YWHAG: variants seen among roughly 807,000 people sequenced by gnomAD.
The protein encoded by YWHAG is tyrosine 3-monooxygenase/tryptophan 5-monooxygenase activation protein gamma.
Under a neutral mutation model 23.3 loss-of-function variants are expected in YWHAG, and 1 was observed. That is an observed-to-expected ratio of 0.04 (90% confidence interval 0.02 to 0.20). The LOEUF is 0.20. Ranked by LOEUF, YWHAG falls within the 10% of genes least tolerant of loss-of-function variation. The pLI, the probability that YWHAG is intolerant of heterozygous loss-of-function variation, is 1.00. For synonymous variants in YWHAG, 160 were observed against 144.0 expected (o/e 1.11, Z -0.80); for missense variants, 151 against 338.6 (o/e 0.45, Z 4.35).
Position 76,329,742 on chromosome 7 carries a change from C to G in YWHAG, c.579G>C (p.Ala193=), listed in dbSNP as rs145754520. ...YYEIQNAPEQ[A]CHLAKTAFDD... Reference sequence around the variant, plus strand: ...CGAACGCGGTCTTGGCCAAGTGGCACGCTTGCTCTGGGGCGTTCTGGATCT... The same window carrying G: ...CGAACGCGGTCTTGGCCAAGTGGCAGGCTTGCTCTGGGGCGTTCTGGATCT... Residue 193 remains alanine, a synonymous_variant, in exon 2 of 2, where the codon GCG becomes GCC. Coordinates refer to ENST00000307630, the MANE Select transcript of YWHAG (RefSeq NM_012479.4). The surrounding 1 kb of genome is among the most constrained non-coding windows in gnomAD (Gnocchi z 6.1). 1.2e-6 allele frequency: 2 copies of G among 1,614,158 alleles called. No homozygotes were observed. Among genetic ancestry groups the G allele is most frequent in the Non-Finnish European group, 1.7e-6 (2 of 1,180,036 alleles).
At position 76,358,706 on chromosome 7, in the gene YWHAG, G is replaced by C; in HGVS notation, c.87+16C>G. Reference sequence around the variant, plus strand: ...GGAGGGGCAGGGAGCGGCGGGGGAGGGGAGGAGACACTCACGTTCTTCATG... The same window carrying C: ...GGAGGGGCAGGGAGCGGCGGGGGAGCGGAGGAGACACTCACGTTCTTCATG... On this transcript the variant is annotated intron_variant, in intron 1 of 1. Coordinates refer to ENST00000307630, the MANE Select transcript of YWHAG (RefSeq NM_012479.4). 5 of 1,567,554 alleles carry C rather than the reference G, an allele frequency of 3.2e-6. No individual in the cohort carries two copies. The highest frequency in any genetic ancestry group is 4.3e-6 in the Non-Finnish European group (5 of 1,155,700).
intron 1 of YWHAG, among the ~76,000 whole-genome samples, chr7:76,357,859 G>A (rs563958144): frequency 6.6e-6 from 1 of 152,224 alleles, no homozygotes; most frequent in East Asian, 1.9e-4. Context: ...CCAACTTATA[G>A]GAATTTCAAC....
intron 1 of YWHAG, among the ~76,000 whole-genome samples, chr7:76,343,459 T>C (rs1450469313): frequency 6.6e-6 from 1 of 152,188 alleles, no homozygotes; most frequent in Non-Finnish European, 1.5e-5. Flanking sequence ...CTTGGCCATA[T>C]GAATCAGCAT....
intron 1 of YWHAG, among the ~76,000 whole-genome samples, chr7:76,346,137 T>C (rs952209619): frequency 2.6e-5 from 4 of 152,176 alleles, no homozygotes; most frequent in Admixed American, 2.6e-4. Flanking sequence ...ACCCCAGGCA[T>C]CCAGTGCTCT....
intron 1 of YWHAG, among the ~76,000 whole-genome samples, chr7:76,353,850 C>T (rs1423681059): frequency 6.6e-6 from 1 of 151,986 alleles, no homozygotes; most frequent in African/African-American, 2.4e-5. Context: ...GGGCAGACTG[C>T]TTGAGTCCAG....
chr7:76,351,322 T>C (rs1188384478), intron 1 of YWHAG, among the ~76,000 whole-genome samples: 1 of 152,212 alleles, frequency 6.6e-6, no homozygotes, highest in South Asian at 2.1e-4. Flanking sequence ...TTTCCTCGCC[T>C]TGGAATGCCC....
intron 1 of YWHAG, among the ~76,000 whole-genome samples, chr7:76,347,284 T>G (rs1047886491): frequency 6.6e-6 from 1 of 152,202 alleles, no homozygotes; most frequent in African/African-American, 2.4e-5. Context: ...TACAAAATAT[T>G]CAAATGCTTA....
intron 1 of YWHAG, among the ~76,000 whole-genome samples, chr7:76,336,690 A>G (rs925674799): frequency 4.6e-5 from 7 of 151,138 alleles, no homozygotes; most frequent in Non-Finnish European, 1.0e-4. Context: ...TCCTGACCTC[A>G]GGTGATCCAC....
At position 76,328,829 on chromosome 7, in the gene YWHAG, C is replaced by CTATGAACCAAAAACG. The variant is rs1803495638; in HGVS notation, c.*747_*748insCGTTTTTGGTTCATA. On this transcript the variant is annotated 3_prime_UTR_variant, in exon 2 of 2. Transcript: ENST00000307630. Reference sequence around the variant, plus strand: ...AAAAAAAATCCCACAGCCACCTGACCTGAAGTCGCTTTCATTCTCATTTAG... The same window carrying CTATGAACCAAAAACG: ...AAAAAAAATCCCACAGCCACCTGACCTATGAACCAAAAACGTGAAGTCGCTTTCATTCTCATTTAG... The CTATGAACCAAAAACG allele has an allele frequency of 1.2e-3, 3 of 2,494 alleles. No homozygotes were observed. Among genetic ancestry groups the CTATGAACCAAAAACG allele is most frequent in the African/African-American group, 3.8e-3 (3 of 782 alleles). The allele number at this position is 2,494 out of a possible 1,614,324, so 0.2% of individuals were successfully genotyped here. A position where few individuals can be genotyped will look rare whatever the true frequency, so the allele number is the denominator to read the frequency against.
chr7:76,358,823 G>C lies in YWHAG; in HGVS notation c.-15C>G, dbSNP rs774965864. 7.6e-6 allele frequency: 12 copies of C among 1,586,186 alleles called. No individual in the cohort carries two copies. The highest frequency in any genetic ancestry group is 5.3e-5 in the Admixed American group (3 of 56,848). On this transcript the variant is annotated 5_prime_UTR_variant, in exon 1 of 2. Transcript: ENST00000307630. Reference sequence around the variant, plus strand: ...CGGTCCACCATCTTCGCGGGGCTGGGTCTGGCCGGAGAAGGAGGAGGACAC... The same window carrying C: ...CGGTCCACCATCTTCGCGGGGCTGGCTCTGGCCGGAGAAGGAGGAGGACAC...
In YWHAG at chr7:76,358,966, CGCGGGACCGGGCGCGAGGCGGCT is replaced by C. The variant is rs1223853783; in HGVS notation, c.-181_-159del. The C allele has an allele frequency of 3.2e-5, 19 of 591,812 alleles. No individual in the cohort carries two copies. The highest frequency in any genetic ancestry group is 4.2e-5 in the Non-Finnish European group (16 of 381,060). 36.7% of individuals were successfully genotyped at this position (591,812 alleles called of 1,614,324 possible). On this transcript the variant is annotated 5_prime_UTR_variant, in exon 1 of 2. Coordinates refer to ENST00000307630, the MANE Select transcript of YWHAG (RefSeq NM_012479.4). Reference sequence around the variant, plus strand: ...CGGAGGAGGCGGCTGGAGCTGCGACCGCGGGACCGGGCGCGAGGCGGCTGCGGCTGCTGTGCGTGCCACTGACG... The same window carrying C: ...CGGAGGAGGCGGCTGGAGCTGCGACCGCGGCTGCTGTGCGTGCCACTGACG...
intron 1 of YWHAG, among the ~76,000 whole-genome samples, chr7:76,332,483 A>G (rs1294824575): frequency 1.3e-5 from 2 of 152,080 alleles, no homozygotes; most frequent in Admixed American, 6.6e-5. Flanking sequence ...TGCTTCTTTC[A>G]TAAGGTAATA....
At chr7:76,349,889 G>A (rs1368566348) in intron 1 of YWHAG, among the ~76,000 whole-genome samples, 1 of 152,186 alleles carries the variant, frequency 6.6e-6, no homozygotes, top group Non-Finnish European at 1.5e-5. Flanking sequence ...AGCTACTGGG[G>A]AGGCTGAGGT....
chr7:76,340,872 G>A (rs1190514753), intron 1 of YWHAG, among the ~76,000 whole-genome samples: 1 of 152,142 alleles, frequency 6.6e-6, no homozygotes, highest in African/African-American at 2.4e-5. Flanking sequence ...AAAAACATAA[G>A]TCCATACAAA....
At chr7:76,335,682 C>T (rs576995293) in intron 1 of YWHAG, among the ~76,000 whole-genome samples, 88 of 152,182 alleles carry the variant, frequency 5.8e-4, no homozygotes, top group African/African-American at 2.0e-3. Context: ...CAGACACAGC[C>T]GCTCACCTCT....
chr7:76,354,344 C>T (rs1171111833), intron 1 of YWHAG, among the ~76,000 whole-genome samples: 1 of 151,874 alleles, frequency 6.6e-6, no homozygotes, highest in Non-Finnish European at 1.5e-5. Context: ...AACCCTGTCT[C>T]TATCAAAACT....
chr7:76,356,253 C>G (rs893563808), intron 1 of YWHAG, among the ~76,000 whole-genome samples: 1 of 152,212 alleles, frequency 6.6e-6, no homozygotes, highest in African/African-American at 2.4e-5. Flanking sequence ...GGAACACCTA[C>G]TACATTTCTT....
chr7:76,328,835 T>G lies in YWHAG; in HGVS notation c.*742A>C, dbSNP rs1352179150. 1 of 3,930 alleles carries G rather than the reference T, an allele frequency of 2.5e-4. No individual in the cohort carries two copies. Among genetic ancestry groups the G allele is most frequent in the Non-Finnish European group, 6.4e-4 (1 of 1,552 alleles). The allele number at this position is 3,930 out of a possible 1,614,324, so 0.2% of individuals were successfully genotyped here. The stretch of plus-strand genomic sequence containing the variant: ...AATCCCACAGCCACCTGACCTGAAG[T>G]CGCTTTCATTCTCATTTAGCCTAGG... On this transcript the variant is annotated 3_prime_UTR_variant, in exon 2 of 2. Coordinates refer to ENST00000307630, the MANE Select transcript of YWHAG (RefSeq NM_012479.4).
At position 76,328,675 on chromosome 7, in the gene YWHAG, TGAAAATACCAACAC is replaced by T; in HGVS notation, c.*888_*901del. The T allele has an allele frequency of 6.6e-6, 1 of 152,296 alleles. No homozygotes were observed. Among genetic ancestry groups the T allele is most frequent in the Non-Finnish European group, 1.5e-5 (1 of 68,054 alleles). The allele number at this position is 152,296 out of a possible 1,614,324, so 9.4% of individuals were successfully genotyped here. The stretch of plus-strand genomic sequence containing the variant: ...GCAGCTTCAGAAGCGGGATGTTCTC[TGAAAATACCAACAC>T]GATCCATGACATACAGACCTGAATT... On this transcript the variant is annotated 3_prime_UTR_variant, in exon 2 of 2. Coordinates refer to ENST00000307630, the MANE Select transcript of YWHAG (RefSeq NM_012479.4).
Sources: gnomAD v4.1 joint callset for allele counts (sites outside exome capture counted in the v4.1 genomes callset) on GRCh38, gnomAD v4.1.1 for gene constraint, Gnocchi (gnomAD v3.1) non-coding constraint, MANE v1.5 for transcripts, NCBI Gene and HGNC (gene_info 2026-07-23, HGNC 2026-07-21) for gene names.